CACNA1D: variants seen among roughly 807,000 people sequenced by gnomAD.
CACNA1D encodes calcium voltage-gated channel subunit alpha1 D.
Under a neutral mutation model 257.1 loss-of-function variants are expected in CACNA1D, and 55 were observed. The ratio of observed to expected loss-of-function variants is 0.21; its 90% confidence interval spans 0.17 to 0.27. CACNA1D has a LOEUF of 0.27. CACNA1D is among the 10% of genes least tolerant of loss of function. The pLI is 1.00. For missense variants in CACNA1D, 1,876 were observed against 2,784.0 expected, an observed-to-expected ratio of 0.67 and a Z score of 7.34; for synonymous variants, 980 against 1,014.9, an observed-to-expected ratio of 0.97 and a Z score of 0.65.
At chr3:53,665,838 T>G in intron 6 of CACNA1D, 26 bp downstream of exon 6, 1 of 1,599,882 alleles carries the variant, frequency 6.3e-7, no homozygotes, top group Non-Finnish European at 8.5e-7. Flanking sequence ...TGTAGCTAAC[T>G]TAACTTTAAA....
intron 26 of CACNA1D, among the ~76,000 whole-genome samples, chr3:53,748,900 A>G (rs570377704): frequency 1.3e-5 from 2 of 152,202 alleles, no homozygotes; most frequent in Admixed American, 6.5e-5. Flanking sequence ...GTTCTTTGGA[A>G]CTACTCTGGT....
intron 47 of CACNA1D, 77 bp downstream of exon 47, chr3:53,810,375 A>T: frequency 7.0e-7 from 1 of 1,433,036 alleles, no homozygotes. Flanking sequence ...CAGGAAGGGC[A>T]GTGGTGGGAG....
intron 3 of CACNA1D, among the ~76,000 whole-genome samples, chr3:53,594,911 A>AAAAAATG (rs1362058448): frequency 6.6e-6 from 1 of 151,896 alleles, no homozygotes; most frequent in Non-Finnish European, 1.5e-5. Flanking sequence ...CAGATTGAGG[A>AAAAAATG]AAAAATGACA....
At chr3:53,656,522 C>T (rs2094149205) in intron 4 of CACNA1D, among the ~76,000 whole-genome samples, 1 of 151,960 alleles carries the variant, frequency 6.6e-6, no homozygotes, top group Non-Finnish European at 1.5e-5. Context: ...CTCAGTGTAG[C>T]CAGAGATGTC....
At chr3:53,626,655 T>TTTCAGC (rs1465063065) in intron 3 of CACNA1D, among the ~76,000 whole-genome samples, 1 of 152,148 alleles carries the variant, frequency 6.6e-6, no homozygotes, top group Non-Finnish European at 1.5e-5. Flanking sequence ...GTGGTTTCAG[T>TTTCAGC]TTCAGCTTTA....
At chr3:53,740,946 T>C (rs2095111487) in intron 21 of CACNA1D, among the ~76,000 whole-genome samples, 1 of 152,232 alleles carries the variant, frequency 6.6e-6, no homozygotes, top group South Asian at 2.1e-4. Flanking sequence ...ATTTGCAAGA[T>C]GACTTGGGTC....
Position 53,580,364 on chromosome 3 carries a change from G to A in CACNA1D, c.484-70415G>A, listed in dbSNP as rs756293380. Among the ~76,000 whole-genome samples, 4 of 152,326 alleles carry A rather than the reference G, an allele frequency of 2.6e-5. No individual in the cohort carries two copies. In the South Asian group the frequency reaches 6.2e-4, roughly 24 times the overall value. ...GAGTACTGCTCAGCCAGTGCTCGCC[G>A]CCAGGTAGTTAGGTGTGTCTTTTAC... On this transcript the variant is annotated intron_variant, in intron 3 of 47. Transcript: ENST00000350061.
At position 53,723,419 on chromosome 3, in the gene CACNA1D, C is replaced by G; in HGVS notation, c.1667-15C>G. 6.2e-7 allele frequency: 1 copy of G among 1,604,390 alleles called. No homozygotes were observed. The highest frequency in any genetic ancestry group is 8.5e-7 in the Non-Finnish European group (1 of 1,171,178). ...GCAGGAGACCCTGAGGATGGGTGCC[C>G]CTTTGTCTTTCCAGATATTGCCAAC... On this transcript the variant is annotated splice_polypyrimidine_tract_variant and intron_variant, in intron 12 of 47. Coordinates refer to ENST00000350061, the MANE Select transcript of CACNA1D (RefSeq NM_001128840.3). The surrounding 1 kb of genome is among the most constrained non-coding windows in gnomAD (Gnocchi z 5.6).
At position 53,770,436 on chromosome 3, in the gene CACNA1D, A is replaced by G. The variant is rs1351780151; in HGVS notation, c.3928A>G (p.Ser1310Gly). 1 of 1,613,938 alleles carries G rather than the reference A, an allele frequency of 6.2e-7. No individual in the cohort carries two copies. Among genetic ancestry groups the G allele is most frequent in the Admixed American group, 1.7e-5 (1 of 60,016 alleles). The change falls in exon 32 of 48, where the codon AGC becomes GGC. Residue 1310 changes from serine (S) to glycine (G), a missense_variant. Coordinates refer to ENST00000350061, the MANE Select transcript of CACNA1D (RefSeq NM_001128840.3). ...PTATPGNSEE[S>G]NRISITFFRL... ...GATAACCCTTCAGAACTCTGAAGAG[A>G]GCAATAGAATCTCCATCACCTTTTT...
chr3:53,618,751 A>C (rs2093663725), intron 3 of CACNA1D, among the ~76,000 whole-genome samples: 1 of 152,182 alleles, frequency 6.6e-6, no homozygotes, highest in African/African-American at 2.4e-5. Context: ...ACTAGAGTGT[A>C]CTTGCTTCTG....
At chr3:53,577,736 A>G (rs956671575) in intron 3 of CACNA1D, among the ~76,000 whole-genome samples, 11 of 152,142 alleles carry the variant, frequency 7.2e-5, no homozygotes, top group Non-Finnish European at 1.6e-4. Flanking sequence ...CTGTGAGGCA[A>G]TGCAGGCAGA....
At chr3:53,746,617 A>T (rs890442365) in intron 25 of CACNA1D, among the ~76,000 whole-genome samples, 2 of 152,192 alleles carry the variant, frequency 1.3e-5, no homozygotes, top group African/African-American at 2.4e-5. Flanking sequence ...GAGAGCACCA[A>T]TTGCAATTTG....
intron 3 of CACNA1D, among the ~76,000 whole-genome samples, chr3:53,615,337 G>A (rs888958650): frequency 2.6e-5 from 4 of 152,256 alleles, no homozygotes; most frequent in African/African-American, 7.2e-5. Flanking sequence ...AGGATCACCC[G>A]GGTTCCAGAC....
At position 53,735,238 on chromosome 3, in the gene CACNA1D, C is replaced by A. The variant is rs563501008; in HGVS notation, c.2622-136C>A. ...TGACGGACAGGTTGCTCAGGTGTGC[C>A]GGGCAGGGTGCATGGGCAGCACAGC... On this transcript the variant is annotated intron_variant, in intron 19 of 47. Transcript: ENST00000350061. 6.3e-5 allele frequency: 55 copies of A among 870,572 alleles called. 1 individual carries two copies. In the South Asian group the frequency reaches 7.1e-4, roughly 11 times the overall value. The allele number at this position is 870,572 out of a possible 1,614,324, so 53.9% of individuals were successfully genotyped here.
chr3:53,668,941 G>A (rs1227105613), intron 7 of CACNA1D, among the ~76,000 whole-genome samples: 1 of 152,066 alleles, frequency 6.6e-6, no homozygotes, highest in African/African-American at 2.4e-5. Context: ...TTAGCTTGAG[G>A]CCATATAAAA....
At chr3:53,565,811 G>A (rs1287313029) in intron 3 of CACNA1D, among the ~76,000 whole-genome samples, 2 of 152,158 alleles carry the variant, frequency 1.3e-5, no homozygotes, top group Non-Finnish European at 2.9e-5. Flanking sequence ...ATGTGGTTTG[G>A]TACTTAATAC....
intron 8 of CACNA1D, among the ~76,000 whole-genome samples, chr3:53,676,057 G>C (rs533596325): frequency 1.6e-4 from 25 of 152,210 alleles, no homozygotes; most frequent in Non-Finnish European, 2.8e-4. Flanking sequence ...CTGGTCCAGA[G>C]GCGAGGGGTG....
At chr3:53,572,212 G>T (rs1488913193) in intron 3 of CACNA1D, among the ~76,000 whole-genome samples, 1 of 152,044 alleles carries the variant, frequency 6.6e-6, no homozygotes, top group Non-Finnish European at 1.5e-5. Context: ...TCCAAGCCTG[G>T]CCACTCCCAG....
intron 3 of CACNA1D, among the ~76,000 whole-genome samples, chr3:53,613,281 A>G (rs980165420): frequency 3.9e-5 from 6 of 152,220 alleles, no homozygotes; most frequent in African/African-American, 1.2e-4. Context: ...TTTGACCACA[A>G]AGAAGATGGC....
Sources: allele counts gnomAD v4.1 joint callset (sites outside exome capture counted in the v4.1 genomes callset), GRCh38; gene constraint gnomAD v4.1.1; non-coding constraint Gnocchi (gnomAD v3.1); transcripts MANE v1.5; gene names NCBI Gene and HGNC (gene_info 2026-07-23, HGNC 2026-07-21).